PON3: variants seen among roughly 807,000 people sequenced by gnomAD.
The protein encoded by PON3 is paraoxonase 3, also known as serum paraoxonase/lactonase 3.
In PON3, 37 loss-of-function variants were observed where a neutral mutation model predicts 36.3. The ratio of observed to expected loss-of-function variants is 1.02; its 90% CI spans 0.78 to 1.34. PON3 has a LOEUF of 1.34. Among genes scored for constraint, PON3 ranks in the 40% most tolerant of loss-of-function variants. The pLI is 0.00. For missense variants in PON3, 415 were observed against 426.5 expected (o/e 0.97, Z 0.24); for synonymous variants, 155 against 154.8 (o/e 1.00, Z -0.01).
chr7:95,373,243 T>C (rs1808847790), intron 3 of PON3, among the ~76,000 whole-genome samples: 1 of 152,094 alleles, frequency 6.6e-6, no homozygotes, highest in Admixed American at 6.5e-5. Context: ...CTTGTCTTTC[T>C]GCCTCTTTCC....
In PON3 at chr7:95,392,507, T is replaced by G. The variant is rs539439052; in HGVS notation, c.145+2137A>C. Among the ~76,000 whole-genome samples the G allele has an allele frequency of 2.0e-5, 3 of 152,356 alleles. No individual in the cohort carries two copies. In the East Asian group the frequency reaches 5.8e-4, roughly 29 times the overall value. On this transcript the variant is annotated intron_variant, in intron 2 of 8. Transcript: ENST00000265627. ...TTATTTGTATAGTGAATATGAATAC[T>G]ACTACACCACAAAACAGTAAACAAA...
At chr7:95,384,306 T>C (rs574238909) in intron 3 of PON3, among the ~76,000 whole-genome samples, 1 of 152,254 alleles carries the variant, frequency 6.6e-6, no homozygotes, top group Admixed American at 6.5e-5. Flanking sequence ...AAAGACTTCA[T>C]GACTAAAACA....
intron 2 of PON3, among the ~76,000 whole-genome samples, chr7:95,390,780 C>A (rs1355605716): frequency 1.3e-5 from 2 of 152,052 alleles, no homozygotes; most frequent in Non-Finnish European, 2.9e-5. Context: ...TCAGTAAGAG[C>A]TAGTTTTCAG....
intron 3 of PON3, among the ~76,000 whole-genome samples, chr7:95,380,939 G>A (rs1043792213): frequency 1.3e-5 from 2 of 152,150 alleles, no homozygotes; most frequent in African/African-American, 4.8e-5. Flanking sequence ...AAAATGTTAA[G>A]GGCAGCCAGA....
chr7:95,362,037 C>T (rs1022180456), intron 8 of PON3, among the ~76,000 whole-genome samples: 1 of 152,164 alleles, frequency 6.6e-6, no homozygotes, highest in African/African-American at 2.4e-5. Flanking sequence ...CCATATACAA[C>T]TCTCTCTTTG....
intron 5 of PON3, chr7:95,366,027 AGGG>A (rs1562769881): frequency 2.6e-5 from 2 of 75,600 alleles, no homozygotes; most frequent in Non-Finnish European, 4.5e-5. Context: ...ATTTTTTGGC[AGGG>A]GGAGTGGGGT....
chr7:95,395,746 C>T (rs1435374735), intron 1 of PON3: 2 of 172,350 alleles, frequency 1.2e-5, no homozygotes, highest in African/African-American at 4.8e-5. Flanking sequence ...GGTCAAATGC[C>T]TACAAAATGC....
At chr7:95,362,674 T>C in intron 7 of PON3, 86 bp downstream of exon 7, 1 of 1,397,738 alleles carries the variant, frequency 7.2e-7, no homozygotes, top group Non-Finnish European at 1.0e-6. Context: ...TAGCCATGTT[T>C]TCCTCATTCA....
rs538032904 is a variant in PON3 at position 95,373,860 on chromosome 7, C to T, written c.202-1522G>A. Among the ~76,000 whole-genome samples, 4 of 152,174 alleles carry T rather than the reference C, an allele frequency of 2.6e-5. 1 individual carries two copies. Among genetic ancestry groups the T allele is most frequent in the African/African-American group, 9.6e-5 (4 of 41,530 alleles). ...CCTGTGCCACAGACTGGTACCTGTC[C>T]GTAGCCTGTAAGGAGCTGGGCCTTA... On this transcript the variant is annotated intron_variant, in intron 3 of 8. Transcript: ENST00000265627.
At chr7:95,380,012 A>C (rs1809010559) in intron 3 of PON3, among the ~76,000 whole-genome samples, 1 of 152,224 alleles carries the variant, frequency 6.6e-6, no homozygotes, top group South Asian at 2.1e-4. Context: ...AAACCTCCAG[A>C]GGAACAATCA....
intron 5 of PON3, chr7:95,365,588 C>G (rs1321003827): frequency 6.6e-6 from 1 of 152,242 alleles, no homozygotes. Context: ...CTTAATGACG[C>G]CTTTGCTGTA....
chr7:95,378,849 C>T (rs374162987), intron 3 of PON3, among the ~76,000 whole-genome samples: 30 of 152,138 alleles, frequency 2.0e-4, no homozygotes, highest in African/African-American at 6.3e-4. Flanking sequence ...CATCAATTAA[C>T]GGGCAAAATA....
chr7:95,383,138 G>A (rs1421027235), intron 3 of PON3, among the ~76,000 whole-genome samples: 6 of 152,010 alleles, frequency 3.9e-5, no homozygotes, highest in Admixed American at 1.3e-4. Context: ...AAAGGCCTTC[G>A]ACAAAATTCA....
intron 6 of PON3, among the ~76,000 whole-genome samples, chr7:95,363,258 T>C (rs1808616837): frequency 6.6e-6 from 1 of 152,132 alleles, no homozygotes; most frequent in Admixed American, 6.6e-5. Context: ...GAGAGGTGTT[T>C]TCTACAGGGA....
chr7:95,374,645 T>C (rs1044061498), intron 3 of PON3, among the ~76,000 whole-genome samples: 2 of 152,218 alleles, frequency 1.3e-5, no homozygotes, highest in Non-Finnish European at 2.9e-5. Context: ...TCCCTGAAGT[T>C]AGTATTCCAC....
chr7:95,395,944 T>A, intron 1 of PON3: 1 of 368,162 alleles, frequency 2.7e-6, no homozygotes, highest in Non-Finnish European at 5.2e-6. Flanking sequence ...ATGGACGTCC[T>A]TTTTTCCCAA....
chr7:95,374,521 T>G (rs1342024625), intron 3 of PON3, among the ~76,000 whole-genome samples: 5 of 152,126 alleles, frequency 3.3e-5, no homozygotes, highest in Non-Finnish European at 7.3e-5. Context: ...ATAAATATTT[T>G]CTTAACTTTA....
At chr7:95,393,326 A>T (rs2116426983) in intron 2 of PON3, among the ~76,000 whole-genome samples, 1 of 152,294 alleles carries the variant, frequency 6.6e-6, no homozygotes, top group South Asian at 2.1e-4. Context: ...CAGGTGTCAT[A>T]AGTGAATCGG....
At chr7:95,377,381 T>C (rs1278579886) in intron 3 of PON3, among the ~76,000 whole-genome samples, 5 of 152,118 alleles carry the variant, frequency 3.3e-5, no homozygotes, top group Non-Finnish European at 2.9e-5. Flanking sequence ...TCAGCAGACC[T>C]AAACGTCCCT....
Sources: allele counts gnomAD v4.1 joint callset (sites outside exome capture counted in the v4.1 genomes callset), GRCh38; gene constraint gnomAD v4.1.1; transcripts MANE v1.5; gene names NCBI Gene and HGNC (gene_info 2026-07-23, HGNC 2026-07-21).